Variants in TEAD3 observed in about 807,000 individuals in gnomAD.
The protein encoded by TEAD3 is TEA domain transcription factor 3.
In TEAD3, 15 loss-of-function variants were observed where a neutral mutation model predicts 55.6. That is an observed-to-expected ratio of 0.27 (90% CI 0.18 to 0.42). The LOEUF is 0.42. Ranked by LOEUF, TEAD3 falls within the 10% of genes least tolerant of loss-of-function variation. TEAD3 has a pLI of 1.00. For missense variants in TEAD3, 407 were observed against 576.8 expected, an observed-to-expected ratio of 0.71 and a Z score of 3.01; for synonymous variants, 210 against 232.2, an observed-to-expected ratio of 0.90 and a Z score of 0.87.
At position 35,483,785 on chromosome 6, in the gene TEAD3, C is replaced by T. The variant is rs1768311412; in HGVS notation, c.267+775G>A. ...ACCCCAGCAGTCCCCACCCTCCCTC[C>T]ACCACATCAGGCTGCCCACAGGCAC... On this transcript the variant is annotated intron_variant, in intron 3 of 12. Coordinates refer to ENST00000639578, the Ensembl canonical transcript of TEAD3. The surrounding 1 kb of genome is among the most constrained non-coding windows in gnomAD (Gnocchi z 4.5). Among the ~76,000 whole-genome samples, 1 of 152,188 alleles carries T rather than the reference C, an allele frequency of 6.6e-6. No homozygotes were observed. Among genetic ancestry groups the T allele is most frequent in the African/African-American group, 2.4e-5 (1 of 41,454 alleles).
At chr6:35,495,035 C>A (rs2150919352) in intron 1 of TEAD3, among the ~76,000 whole-genome samples, 1 of 152,304 alleles carries the variant, frequency 6.6e-6, no homozygotes, top group South Asian at 2.1e-4. Flanking sequence ...AACTGGGAGA[C>A]AGACTCTGGG....
intron 3 of TEAD3, among the ~76,000 whole-genome samples, chr6:35,481,382 G>A (rs1052192564): frequency 4.6e-5 from 7 of 152,088 alleles, no homozygotes; most frequent in African/African-American, 1.2e-4. Context: ...CTTTCTTTGC[G>A]AGTTGTTTTT....
Position 35,491,323 on chromosome 6 carries a change from CAAAGACCTAG to C in TEAD3, c.-49-4622_-49-4613del, listed in dbSNP as rs1768513870. 6.6e-6 allele frequency among the ~76,000 whole-genome samples: 1 copy of C among 151,242 alleles called. No individual in the cohort carries two copies. Among genetic ancestry groups the C allele is most frequent in the Non-Finnish European group, 1.5e-5 (1 of 67,872 alleles). ...GGAGGGGCACAGACAAGGCAACCAA[CAAAGACCTAG>C]AAAGAGACACACAGCAGAGAGGGGT... On this transcript the variant is annotated intron_variant, in intron 1 of 12. Coordinates refer to ENST00000639578, the Ensembl canonical transcript of TEAD3. The surrounding 1 kb of genome is among the most constrained non-coding windows in gnomAD (Gnocchi z 4.4).
intron 1 of TEAD3, among the ~76,000 whole-genome samples, chr6:35,492,263 G>T (rs1183388481): frequency 6.6e-6 from 1 of 152,204 alleles, no homozygotes; most frequent in Middle Eastern, 3.2e-3. Flanking sequence ...AGCCGGGGGG[G>T]TCGAGGATGG....
At chr6:35,493,936 C>T (rs1019750282) in intron 1 of TEAD3, among the ~76,000 whole-genome samples, 6 of 152,234 alleles carry the variant, frequency 3.9e-5, no homozygotes, top group African/African-American at 1.4e-4. Flanking sequence ...CTGGCACACA[C>T]AGAACATCCC....
At chr6:35,477,649 G>A (rs907015496) in intron 7 of TEAD3, among the ~76,000 whole-genome samples, 4 of 124,006 alleles carry the variant, frequency 3.2e-5, no homozygotes, top group Non-Finnish European at 4.7e-5. Flanking sequence ...TTAAGCTGAG[G>A]GTCTTTTGAT....
rs1437780767 is a variant in TEAD3 at position 35,486,197 on chromosome 6, A to T, written c.202+264T>A. Among the ~76,000 whole-genome samples, 2 of 152,178 alleles carry T rather than the reference A, an allele frequency of 1.3e-5. No homozygotes were observed. Among genetic ancestry groups the T allele is most frequent in the African/African-American group, 4.8e-5 (2 of 41,456 alleles). ...CTGACCCACTTTCTTGGGCCCACTGAGTCACCTCGAAACCTCCAGGCCGGT... is the reference window on the plus strand; with the variant it reads ...CTGACCCACTTTCTTGGGCCCACTGTGTCACCTCGAAACCTCCAGGCCGGT... On this transcript the variant is annotated intron_variant, in intron 2 of 12. Transcript: ENST00000639578. The surrounding 1 kb of genome is among the most constrained non-coding windows in gnomAD (Gnocchi z 7.3).
intron 1 of TEAD3, among the ~76,000 whole-genome samples, chr6:35,494,730 G>C (rs966391434): frequency 6.6e-6 from 1 of 152,108 alleles, no homozygotes; most frequent in Non-Finnish European, 1.5e-5. Context: ...GACCCCCACA[G>C]GTGTCTGGGA....
At chr6:35,476,120 G>T (rs1419929092) in intron 9 of TEAD3, 28 bp from the exon 10 acceptor site, 38 of 1,545,452 alleles carry the variant, frequency 2.5e-5, no homozygotes, top group Non-Finnish European at 3.2e-5. Flanking sequence ...ACAGGGTCAG[G>T]AGAGTACTCA....
rs1469511280 is a variant in TEAD3 at position 35,496,154 on chromosome 6, C to T, written c.-50+744G>A. Among the ~76,000 whole-genome samples, 2 of 152,180 alleles carry T rather than the reference C, an allele frequency of 1.3e-5. No homozygotes were observed. The highest frequency in any genetic ancestry group is 4.8e-5 in the African/African-American group (2 of 41,438). On this transcript the variant is annotated intron_variant, in intron 1 of 12. Coordinates refer to ENST00000639578, the Ensembl canonical transcript of TEAD3. This position sits in a 1 kb window ranked among gnomAD's most constrained non-coding sequence, Gnocchi z 4.8. The stretch of plus-strand genomic sequence containing the variant: ...ACCGGGGTAGGAAGCGGGAGACCAG[C>T]CACCCTCAAACCTTGTCAAGTCTAA...
chr6:35,480,414 G>C (rs1253968193), intron 3 of TEAD3, 40 bp from the exon 4 acceptor site: 1 of 1,608,904 alleles, frequency 6.2e-7, no homozygotes, highest in African/African-American at 1.3e-5. Flanking sequence ...GGAAAACATA[G>C]ACAGTGAGGA....
Position 35,475,973 on chromosome 6 carries a change from C to T in TEAD3, c.846G>A (p.Leu282=). The change falls in exon 10 of 13, where the codon TTG becomes TTA. Residue 282 remains leucine, a synonymous_variant. Transcript: ENST00000639578. The surrounding 1 kb of genome is among the most constrained non-coding windows in gnomAD (Gnocchi z 5.4). ...GGGGCCCCTTCTCATAGAGCTCCTT[C>T]AATCCTCCCTTTTTCTCGGGGAATT... 1 of 1,561,558 alleles carries T rather than the reference C, an allele frequency of 6.4e-7. No homozygotes were observed. Among genetic ancestry groups the T allele is most frequent in the Non-Finnish European group, 8.7e-7 (1 of 1,155,276 alleles).
At position 35,496,257 on chromosome 6, in the gene TEAD3, G is replaced by A. The variant is rs1581732648; in HGVS notation, c.-50+641C>T. Among the ~76,000 whole-genome samples, 1 of 152,342 alleles carries A rather than the reference G, an allele frequency of 6.6e-6. No individual in the cohort carries two copies. Among genetic ancestry groups the A allele is most frequent in the East Asian group, 1.9e-4 (1 of 5,174 alleles). On this transcript the variant is annotated intron_variant, in intron 1 of 12. Coordinates refer to ENST00000639578, the Ensembl canonical transcript of TEAD3. This position sits in a 1 kb window ranked among gnomAD's most constrained non-coding sequence, Gnocchi z 4.8. The stretch of plus-strand genomic sequence containing the variant: ...CCGAGCCAAGCTCACAGCGCTCAGG[G>A]CTGGAACTCTGAATCAGCACCCCGA...
chr6:35,479,773 T>G (rs1369267966), intron 4 of TEAD3, among the ~76,000 whole-genome samples: 1 of 152,044 alleles, frequency 6.6e-6, no homozygotes, highest in Non-Finnish European at 1.5e-5. Flanking sequence ...CCCCGGGGCC[T>G]CCTCCCTGCC....
chr6:35,478,651 G>C, intron 5 of TEAD3, 80 bp from the exon 6 acceptor site: 1 of 1,498,518 alleles, frequency 6.7e-7, no homozygotes, highest in Non-Finnish European at 9.0e-7. Context: ...CATGACCCCA[G>C]CAGAGTCCAA....
At chr6:35,476,554 C>G (rs1198199137) in intron 8 of TEAD3, 119 bp from the exon 9 acceptor site, 11 of 1,291,518 alleles carry the variant, frequency 8.5e-6, no homozygotes, top group Non-Finnish European at 1.2e-5. Context: ...ATTTTGACTC[C>G]CCTACTATGT....
chr6:35,489,115 A>G (rs1250241038), intron 1 of TEAD3, among the ~76,000 whole-genome samples: 1 of 152,208 alleles, frequency 6.6e-6, no homozygotes, highest in Non-Finnish European at 1.5e-5. Flanking sequence ...AGTTATTGTA[A>G]TTATTCTAAA....
intron 1 of TEAD3, among the ~76,000 whole-genome samples, chr6:35,493,051 G>GA (rs1349137659): frequency 6.6e-6 from 1 of 152,144 alleles, no homozygotes; most frequent in Non-Finnish European, 1.5e-5. Flanking sequence ...GTGCCCTCAT[G>GA]AGAGTCACGG....
exon 9 of TEAD3, chr6:35,476,310 G>A: frequency 6.2e-7 from 1 of 1,612,022 alleles, no homozygotes; most frequent in Non-Finnish European, 8.5e-7. Context: ...ACCGTGTCAG[G>A]GTCTCGCTGC....
Sources: gnomAD v4.1 joint callset for allele counts (sites outside exome capture counted in the v4.1 genomes callset) on GRCh38, gnomAD v4.1.1 for gene constraint, Gnocchi (gnomAD v3.1) non-coding constraint, MANE v1.5 for transcripts, NCBI Gene and HGNC (gene_info 2026-07-23, HGNC 2026-07-21) for gene names.